FKTN: variants seen among roughly 807,000 people sequenced by gnomAD.
FKTN encodes the protein fukutin.
FKTN carries 47 observed loss-of-function variants against 58.6 expected under a neutral mutation model. The ratio of observed to expected loss-of-function variants is 0.80; its 90% confidence interval spans 0.63 to 1.02. FKTN has a LOEUF of 1.02. FKTN is among the 50% of genes least tolerant of loss of function. The pLI is 0.00. For synonymous variants in FKTN, 178 were observed against 191.9 expected, an observed-to-expected ratio of 0.93 and a Z score of 0.60; for missense variants, 516 against 537.3, an observed-to-expected ratio of 0.96 and a Z score of 0.39.
At chr9:105,586,658 G>T (rs533874331) in intron 3 of FKTN, among the ~76,000 whole-genome samples, 1 of 152,262 alleles carries the variant, frequency 6.6e-6, no homozygotes, top group Non-Finnish European at 1.5e-5. Flanking sequence ...GCAATTGTTT[G>T]GCTTTCAGCA....
At chr9:105,563,027 G>C (rs1304519395) in intron 1 of FKTN, among the ~76,000 whole-genome samples, 1 of 152,108 alleles carries the variant, frequency 6.6e-6, no homozygotes, top group Non-Finnish European at 1.5e-5. Flanking sequence ...CATTCAAACA[G>C]ACCCCTACCT....
chr9:105,607,740 C>A, intron 6 of FKTN, 79 bp from the exon 7 acceptor site: 3 of 1,257,370 alleles, frequency 2.4e-6, no homozygotes, highest in Non-Finnish European at 3.5e-6. Context: ...AAGCTCTGCA[C>A]GCATTAGGTA....
At chr9:105,591,179 C>T (rs561395648) in intron 3 of FKTN, among the ~76,000 whole-genome samples, 1 of 152,236 alleles carries the variant, frequency 6.6e-6, no homozygotes, top group Admixed American at 6.5e-5. Flanking sequence ...TATTATTCTG[C>T]CCCTGGCCCC....
intron 1 of FKTN, among the ~76,000 whole-genome samples, chr9:105,571,935 A>G: frequency 6.6e-6 from 1 of 152,164 alleles, no homozygotes; most frequent in East Asian, 1.9e-4. Flanking sequence ...GGGATGTTCA[A>G]CTGGTAAGTG....
In FKTN at chr9:105,635,785, A is replaced by T; in HGVS notation, c.*521A>T. The T allele has an allele frequency of 1.0e-6, 1 of 1,002,568 alleles. No individual in the cohort carries two copies. Among genetic ancestry groups the T allele is most frequent in the Non-Finnish European group, 1.2e-6 (1 of 839,088 alleles). The allele number at this position is 1,002,568 out of a possible 1,614,324, so 62.1% of individuals were successfully genotyped here. A position where few individuals can be genotyped will look rare whatever the true frequency, so the allele number is the denominator to read the frequency against. On this transcript the variant is annotated 3_prime_UTR_variant, in exon 11 of 11. Transcript: ENST00000357998. ...CTTTGAGTGACATCAAGAAAAGATG[A>T]TATCAGGTTCATTTTTCAACTAATC...
In FKTN at chr9:105,636,866, T is replaced by C. The variant is rs1834081024; in HGVS notation, c.*1602T>C. 8.9e-7 allele frequency: 1 copy of C among 1,129,582 alleles called. No homozygotes were observed. The allele number at this position is 1,129,582 out of a possible 1,614,324, so 70.0% of individuals were successfully genotyped here. On this transcript the variant is annotated 3_prime_UTR_variant, in exon 11 of 11. Transcript: ENST00000357998. ...CTTACAACCACCCATTCCGGATTTG[T>C]AAAGCAACATGAAAACCTTTGATAA...
At chr9:105,606,024 A>G (rs970459726) in intron 6 of FKTN, among the ~76,000 whole-genome samples, 4 of 152,124 alleles carry the variant, frequency 2.6e-5, no homozygotes, top group African/African-American at 9.6e-5. Flanking sequence ...CCTACTATGT[A>G]CCTACAAAAA....
At chr9:105,593,599 G>T (rs1845301055) in intron 3 of FKTN, among the ~76,000 whole-genome samples, 1 of 152,048 alleles carries the variant, frequency 6.6e-6, no homozygotes. Context: ...AGTGAATATA[G>T]ATTTTTAAAG....
chr9:105,610,073 G>A (rs962270420), intron 7 of FKTN, among the ~76,000 whole-genome samples: 39 of 151,164 alleles, frequency 2.6e-4, no homozygotes, highest in African/African-American at 9.1e-4. Flanking sequence ...TATTTGGCCA[G>A]TAGAAACTCC....
intron 10 of FKTN, among the ~76,000 whole-genome samples, chr9:105,629,851 T>C (rs1321638865): frequency 6.6e-6 from 1 of 152,158 alleles, no homozygotes; most frequent in Non-Finnish European, 1.5e-5. Context: ...CACCATGGAA[T>C]ACTATGCAGC....
intron 1 of FKTN, among the ~76,000 whole-genome samples, chr9:105,570,238 G>A (rs1026289306): frequency 2.0e-5 from 3 of 152,004 alleles, no homozygotes; most frequent in African/African-American, 7.2e-5. Context: ...TGAGCATTGT[G>A]CAGTGTATTT....
rs182068052 is a variant in FKTN at position 105,563,239 on chromosome 9, G to A, written c.-181+5074G>A. 8.5e-3 allele frequency among the ~76,000 whole-genome samples: 1,295 copies of A among 152,318 alleles called. 12 individuals carry two copies. The highest frequency in any genetic ancestry group is 0.024 in the Middle Eastern group (7 of 294). ...CCCAGCGTGAGCGACGCAGAAGACG[G>A]GTGATTTCTGCATTTCTAACTGAGA... On this transcript the variant is annotated intron_variant, in intron 1 of 10. Transcript: ENST00000357998.
intron 10 of FKTN, among the ~76,000 whole-genome samples, chr9:105,627,591 A>G (rs980251334): frequency 2.8e-4 from 42 of 152,168 alleles, no homozygotes; most frequent in African/African-American, 1.0e-3. Flanking sequence ...ATTTTGGTCC[A>G]AGATTTTAAG....
At chr9:105,603,015 T>C (rs1247208176) in intron 5 of FKTN, among the ~76,000 whole-genome samples, 2 of 152,200 alleles carry the variant, frequency 1.3e-5, no homozygotes, top group African/African-American at 4.8e-5. Flanking sequence ...CCAAGGCTAC[T>C]GGGAGTGGAC....
intron 10 of FKTN, among the ~76,000 whole-genome samples, chr9:105,620,341 T>C (rs1392095190): frequency 6.6e-6 from 1 of 152,216 alleles, no homozygotes; most frequent in Non-Finnish European, 1.5e-5. Flanking sequence ...AATGAGAACC[T>C]GAAGAGCATG....
At chr9:105,627,150 T>G (rs1324804226) in intron 10 of FKTN, among the ~76,000 whole-genome samples, 1 of 152,020 alleles carries the variant, frequency 6.6e-6, no homozygotes, top group East Asian at 1.9e-4. Flanking sequence ...TTTTGTATTT[T>G]TAGTAGAGAT....
intron 3 of FKTN, among the ~76,000 whole-genome samples, chr9:105,580,037 T>C (rs1295860198): frequency 2.0e-5 from 3 of 151,820 alleles, no homozygotes; most frequent in East Asian, 1.9e-4. Context: ...TCCTCCATCC[T>C]TTTATTTTGA....
chr9:105,600,213 T>G (rs959434887), intron 4 of FKTN, among the ~76,000 whole-genome samples: 7 of 152,198 alleles, frequency 4.6e-5, no homozygotes, highest in African/African-American at 1.7e-4. Context: ...AAACAAATAA[T>G]GAGACTGATT....
intron 4 of FKTN, 197 bp from the exon 5 acceptor site, chr9:105,600,948 C>T (rs1246069722): frequency 2.0e-6 from 1 of 505,854 alleles, no homozygotes; most frequent in East Asian, 3.3e-5. Flanking sequence ...AAATGTTCAT[C>T]TTTCTTAGAA....
Sources: allele counts gnomAD v4.1 joint callset (sites outside exome capture counted in the v4.1 genomes callset), GRCh38; gene constraint gnomAD v4.1.1; transcripts MANE v1.5; gene names NCBI Gene and HGNC (gene_info 2026-07-23, HGNC 2026-07-21).